The following RALYL variants were observed in gnomAD, a reference collection of about 807,000 sequenced individuals.
RALYL encodes RNA-binding Raly-like protein.
RALYL carries 29 observed loss-of-function variants against 35.1 expected under a neutral mutation model. The ratio of observed to expected loss-of-function variants is 0.83; its 90% CI spans 0.61 to 1.13. The LOEUF (loss-of-function observed/expected upper bound fraction) is 1.13. Ranked by LOEUF, RALYL falls within the 50% of genes most tolerant of loss-of-function variation. The probability of loss-of-function intolerance (pLI) is 0.00; values close to 1 mark genes in which losing one functional copy is unlikely to be tolerated. For synonymous variants in RALYL, 120 were observed against 127.6 expected, an observed-to-expected ratio of 0.94 and a Z score of 0.40; for missense variants, 359 against 360.4, an observed-to-expected ratio of 1.00 and a Z score of 0.03.
intron 2 of RALYL, among the ~76,000 whole-genome samples, chr8:84,615,878 G>C (rs1819479813): frequency 2.3e-5 from 2 of 87,096 alleles, no homozygotes; most frequent in Non-Finnish European, 4.3e-5. Context: ...AGTTTACTGA[G>C]AATGATGATT....
intron 1 of RALYL, among the ~76,000 whole-genome samples, chr8:84,464,762 G>T (rs1290737726): frequency 1.3e-5 from 2 of 150,600 alleles, no homozygotes; most frequent in Non-Finnish European, 3.0e-5. Flanking sequence ...CACCAACAGT[G>T]TAAAAGTGTT....
chr8:84,233,867 C>A (rs1825907259), intron 1 of RALYL, among the ~76,000 whole-genome samples: 1 of 152,150 alleles, frequency 6.6e-6, no homozygotes, highest in African/African-American at 2.4e-5. Flanking sequence ...TCATCTTAGT[C>A]ATTTTCTATT....
chr8:84,452,804 G>A (rs959007666), intron 1 of RALYL, among the ~76,000 whole-genome samples: 2 of 151,810 alleles, frequency 1.3e-5, no homozygotes, highest in African/African-American at 4.8e-5. Flanking sequence ...TAGATCACTG[G>A]ATAAAAATAT....
intron 1 of RALYL, among the ~76,000 whole-genome samples, chr8:84,461,035 C>T (rs906025807): frequency 3.3e-5 from 5 of 151,536 alleles, no homozygotes; most frequent in African/African-American, 1.2e-4. Context: ...AATTTTTATT[C>T]TTTGCATTTT....
chr8:84,774,338 C>T (rs1816316884), intron 2 of RALYL, among the ~76,000 whole-genome samples: 1 of 152,190 alleles, frequency 6.6e-6, no homozygotes, highest in Non-Finnish European at 1.5e-5. Context: ...TTGTTTCTCA[C>T]TGTCTTCCCC....
chr8:84,449,835 G>T (rs1468523796), intron 1 of RALYL, among the ~76,000 whole-genome samples: 1 of 151,856 alleles, frequency 6.6e-6, no homozygotes, highest in Admixed American at 6.6e-5. Flanking sequence ...GTGACATATG[G>T]TAGTATGTTG....
intron 1 of RALYL, among the ~76,000 whole-genome samples, chr8:84,399,982 C>A (rs986255542): frequency 1.3e-5 from 2 of 152,084 alleles, no homozygotes; most frequent in Admixed American, 1.3e-4. Flanking sequence ...CCAGGCATGG[C>A]GGCACATGCC....
In RALYL at chr8:84,185,211, A is replaced by G. The variant is rs960777910; in HGVS notation, c.-24+787A>G. The G allele has an allele frequency of 1.7e-5, 11 of 643,782 alleles. No individual in the cohort carries two copies. The Admixed American group carries it at 2.3e-4, about 13-fold the overall frequency. The allele number at this position is 643,782 out of a possible 1,614,324, so 39.9% of individuals were successfully genotyped here. On this transcript the variant is annotated intron_variant, in intron 1 of 8. Transcript: ENST00000521268. ...GTTGAGGACGACGCTGTTAGTTTGC[A>G]GTAATGACCCTACACCTCTAAGGTA... is the stretch of plus-strand genomic sequence containing the variant.
At chr8:84,625,941 T>C (rs1004916377) in intron 2 of RALYL, among the ~76,000 whole-genome samples, 5 of 151,226 alleles carry the variant, frequency 3.3e-5, no homozygotes, top group African/African-American at 1.2e-4. Flanking sequence ...GTGGAGGGAG[T>C]GGGAAGTGAT....
At chr8:84,409,036 C>T (rs191177682) in intron 1 of RALYL, among the ~76,000 whole-genome samples, 162 of 152,052 alleles carry the variant, frequency 1.1e-3, no homozygotes, top group Non-Finnish European at 1.7e-3. Flanking sequence ...GGATAATTAT[C>T]TCTTAATTAT....
chr8:84,194,735 AGACT>A (rs1042537872), intron 1 of RALYL, among the ~76,000 whole-genome samples: 12 of 152,226 alleles, frequency 7.9e-5, no homozygotes, highest in African/African-American at 2.7e-4. Flanking sequence ...ATTCTGGACC[AGACT>A]GACTGAGAAA....
intron 8 of RALYL, among the ~76,000 whole-genome samples, chr8:84,894,338 C>A (rs1446103932): frequency 6.6e-6 from 1 of 152,134 alleles, no homozygotes; most frequent in African/African-American, 2.4e-5. Flanking sequence ...AAAGGTAGTG[C>A]CAACTGAATT....
intron 1 of RALYL, among the ~76,000 whole-genome samples, chr8:84,514,090 TAAAAAAAAAAAAA>T (rs57881021): frequency 0.038 from 1,584 of 41,200 alleles, 51 homozygotes; most frequent in African/African-American, 0.12. Flanking sequence ...AGATTTCATC[TAAAAAAAAAAAAA>T]AAAAAAAAAA....
At chr8:84,201,379 A>T (rs1302145940) in intron 1 of RALYL, among the ~76,000 whole-genome samples, 1 of 152,146 alleles carries the variant, frequency 6.6e-6, no homozygotes, top group African/African-American at 2.4e-5. Flanking sequence ...AGAGCTAAGC[A>T]TATGTCAGTA....
At chr8:84,746,520 C>G in intron 2 of RALYL, among the ~76,000 whole-genome samples, 1 of 151,914 alleles carries the variant, frequency 6.6e-6, no homozygotes, top group East Asian at 1.9e-4. Flanking sequence ...ATAAGAGAAT[C>G]AGTCATGGTC....
intron 1 of RALYL, among the ~76,000 whole-genome samples, chr8:84,456,502 A>G (rs1027008405): frequency 6.6e-6 from 1 of 152,020 alleles, no homozygotes; most frequent in Non-Finnish European, 1.5e-5. Context: ...TGACCTGATT[A>G]TATTATTGAA....
intron 2 of RALYL, among the ~76,000 whole-genome samples, chr8:84,576,131 A>T (rs1809368297): frequency 1.3e-5 from 2 of 152,030 alleles, no homozygotes; most frequent in Non-Finnish European, 2.9e-5. Context: ...ATAATCAGTG[A>T]TTTTTTTTCT....
intron 2 of RALYL, among the ~76,000 whole-genome samples, chr8:84,624,296 A>G (rs1219662357): frequency 6.6e-6 from 1 of 152,238 alleles, no homozygotes; most frequent in Admixed American, 6.5e-5. Context: ...GCATTATCAT[A>G]CAATTCTGTA....
chr8:84,236,064 T>G (rs550684307), intron 1 of RALYL, among the ~76,000 whole-genome samples: 1 of 152,258 alleles, frequency 6.6e-6, no homozygotes, highest in African/African-American at 2.4e-5. Context: ...ATGATTCCAG[T>G]TCATTAAAGC....
Sources: gnomAD v4.1 joint callset for allele counts (sites outside exome capture counted in the v4.1 genomes callset) on GRCh38, gnomAD v4.1.1 for gene constraint, MANE v1.5 for transcripts, NCBI Gene and HGNC (gene_info 2026-07-23, HGNC 2026-07-21) for gene names.